Variants in CCDC27 observed in about 807,000 individuals in gnomAD.
The protein encoded by CCDC27 is coiled-coil domain containing 27.
A neutral mutation model predicts 80.3 loss-of-function variants in CCDC27; 80 were observed. The observed-to-expected ratio is 1.00, with a 90% CI of 0.83 to 1.20. The LOEUF (loss-of-function observed/expected upper bound fraction) is 1.20, where lower values mean the gene tolerates loss of function less well. Among genes scored for constraint, CCDC27 ranks in the 50% most tolerant of loss-of-function variants. CCDC27 has a pLI of 0.00. For missense variants in CCDC27, 815 were observed against 809.4 expected (o/e 1.01, Z -0.08); for synonymous variants, 342 against 334.3 (o/e 1.02, Z -0.25).
chr1:3,767,220 C>A lies in CCDC27; in HGVS notation c.1531-13C>A. 1.2e-6 allele frequency: 2 copies of A among 1,611,956 alleles called. No individual in the cohort carries two copies. Among genetic ancestry groups the A allele is most frequent in the Non-Finnish European group, 1.7e-6 (2 of 1,178,780 alleles). ...AATGACCCCACCTCTTTTTTCTCCC[C>A]GGCTGTCCCCAGCAAGTGTCGGAAC... On this transcript the variant is annotated splice_polypyrimidine_tract_variant and intron_variant, in intron 9 of 11. Coordinates refer to ENST00000294600, the MANE Select transcript of CCDC27 (RefSeq NM_152492.3).
chr1:3,756,560 C>A, intron 3 of CCDC27, 173 bp from the exon 4 acceptor site: 1 of 653,428 alleles, frequency 1.5e-6, no homozygotes, highest in African/African-American at 1.8e-5. Context: ...AGCAGCACCA[C>A]ACTGTGTCCT....
In CCDC27 at chr1:3,754,177, G is replaced by T. The variant is rs776994072; in HGVS notation, c.378G>T (p.Arg126Ser). 3 of 1,613,610 alleles carry T rather than the reference G, an allele frequency of 1.9e-6. No homozygotes were observed. The East Asian group carries it at 6.7e-5, about 36-fold the overall frequency. The change falls in exon 2 of 12, where the codon AGG becomes AGT. Residue 126 changes from arginine (R) to serine (S), a missense_variant. Transcript: ENST00000294600. ...TCATGTCCAAAATGGAACTTCGAAG[G>T]GTCTTCCCCACGCATCCTGACTGCC... is the stretch of plus-strand genomic sequence containing the variant. ...TGFMSKMELR[R>S]VFPTHPDCPQ...
intron 4 of CCDC27, among the ~76,000 whole-genome samples, chr1:3,759,721 T>G (rs942349556): frequency 6.6e-6 from 1 of 152,154 alleles, no homozygotes; most frequent in African/African-American, 2.4e-5. Context: ...GTCCATGATA[T>G]TCATTTTGTT....
At chr1:3,762,770 AGGCT>A in intron 6 of CCDC27, 58 bp downstream of exon 6, 1 of 1,448,852 alleles carries the variant, frequency 6.9e-7, no homozygotes, top group Non-Finnish European at 9.4e-7. Flanking sequence ...GGAGCCACCT[AGGCT>A]GCTTAACTAA....
intron 1 of CCDC27, among the ~76,000 whole-genome samples, chr1:3,753,437 CCTCAGCCTCCAGA>C (rs1399954583): frequency 6.6e-6 from 1 of 151,882 alleles, no homozygotes; most frequent in Non-Finnish European, 1.5e-5. Context: ...GATTCTCCAG[CCTCAGCCTCCAGA>C]GTAGCTGGGA....
intron 10 of CCDC27, 49 bp downstream of exon 10, chr1:3,767,494 G>A (rs780000170): frequency 8.6e-6 from 13 of 1,519,844 alleles, no homozygotes; most frequent in South Asian, 7.5e-5. Flanking sequence ...GCTGGCGGCC[G>A]AGCACCCAGG....
chr1:3,752,683 G>T lies in CCDC27; in HGVS notation c.202G>T (p.Val68Leu). Residue 68 changes from valine to leucine, a missense_variant, in exon 1 of 12, where the codon GTG (valine) becomes TTG (leucine). By Grantham distance (32) the Val-to-Leu change is conservative. Coordinates refer to ENST00000294600, the MANE Select transcript of CCDC27 (RefSeq NM_152492.3). The stretch of plus-strand genomic sequence containing the variant: ...GTCCAGCTCGATGGCCAGGGCCCTG[G>T]TGCTCCTCCAGAGCATGGCCAGCCG... ...SMSSSMARAL[V>L]LLQSMASRDA... is the part of the protein sequence containing the mutation. The T allele has an allele frequency of 1.6e-5, 26 of 1,614,058 alleles. No homozygotes were observed. The highest frequency in any genetic ancestry group is 2.2e-5 in the Non-Finnish European group (26 of 1,180,056).
At chr1:3,765,052 A>C (rs987478406) in intron 8 of CCDC27, among the ~76,000 whole-genome samples, 1 of 145,494 alleles carries the variant, frequency 6.9e-6, no homozygotes, top group African/African-American at 2.6e-5. Flanking sequence ...AAAAAAAAAA[A>C]CGATGAACAG....
chr1:3,757,007 C>A, intron 4 of CCDC27, 117 bp downstream of exon 4: 2 of 1,268,690 alleles, frequency 1.6e-6, no homozygotes, highest in Middle Eastern at 2.8e-4. Flanking sequence ...CTGCATCAAG[C>A]AGGTCCCCAT....
Position 3,763,488 on chromosome 1 carries a change from G to C in CCDC27, c.1321+14G>C. 6.3e-7 allele frequency: 1 copy of C among 1,575,320 alleles called. No individual in the cohort carries two copies. The highest frequency in any genetic ancestry group is 8.6e-7 in the Non-Finnish European group (1 of 1,160,766). Reference sequence around the variant, plus strand: ...CCCTTGCAACAGGTAGGGCCTCGGCGGGGGGCACTGGGCTTTGGCCACTCA... The same window carrying C: ...CCCTTGCAACAGGTAGGGCCTCGGCCGGGGGCACTGGGCTTTGGCCACTCA... On this transcript the variant is annotated intron_variant, in intron 7 of 11. Transcript: ENST00000294600. The surrounding 1 kb of genome is among the most constrained non-coding windows in gnomAD (Gnocchi z 7.5).
In CCDC27 at chr1:3,763,336, A is replaced by G. The variant is rs1360593894; in HGVS notation, c.1183A>G (p.Ile395Val). 1 of 1,612,748 alleles carries G rather than the reference A, an allele frequency of 6.2e-7. No individual in the cohort carries two copies. The highest frequency in any genetic ancestry group is 1.3e-5 in the African/African-American group (1 of 74,818). The change falls in exon 7 of 12, where the codon ATC (isoleucine) becomes GTC (valine). Residue 395 changes from isoleucine to valine, a missense_variant. By Grantham distance (29) the Ile-to-Val change is conservative. Transcript: ENST00000294600. The surrounding 1 kb of genome is among the most constrained non-coding windows in gnomAD (Gnocchi z 7.5). The part of the protein sequence containing the change: ...EERELPEEEE[I>V]PRRRASSLAE... ...AAGGGAGCTGCCGGAGGAAGAGGAG[A>G]TCCCCAGGAGAAGGGCCTCCTCCCT...
In CCDC27 at chr1:3,754,249, C is replaced by T. The variant is rs777841365; in HGVS notation, c.442+8C>T. ...CATCCATGTCCCACTGTGGTAAGAGCCCCCCACCAGGACCGCCTGTGAAAC... is the reference window on the plus strand; with the variant it reads ...CATCCATGTCCCACTGTGGTAAGAGTCCCCCACCAGGACCGCCTGTGAAAC... On this transcript the variant is annotated splice_region_variant and intron_variant, in intron 2 of 11. Transcript: ENST00000294600. The T allele has an allele frequency of 4.4e-6, 7 of 1,579,258 alleles. No individual in the cohort carries two copies. In the African/African-American group the frequency reaches 5.5e-5, roughly 12 times the overall value.
rs1181884 is a variant in CCDC27 at position 3,760,034 on chromosome 1, T to C, written c.712-1247T>C. Among the ~76,000 whole-genome samples, 14,567 of 152,220 alleles carry C rather than the reference T, an allele frequency of 0.096. 802 individuals are homozygous for C. Among genetic ancestry groups the C allele is most frequent in the Middle Eastern group, 0.2 (58 of 294 alleles). On this transcript the variant is annotated intron_variant, in intron 4 of 11. Coordinates refer to ENST00000294600, the MANE Select transcript of CCDC27 (RefSeq NM_152492.3). The surrounding 1 kb of genome is among the most constrained non-coding windows in gnomAD (Gnocchi z 4.3). The stretch of plus-strand genomic sequence containing the variant: ...GGCTGTCATAGATAAACTCTTCTCA[T>C]TTGGTGGCAAGAGAGCCACCTGCAG...
chr1:3,755,769 C>T, intron 3 of CCDC27: 1 of 578,516 alleles, frequency 1.7e-6, no homozygotes, highest in Non-Finnish European at 3.1e-6. Context: ...GCAGTCCCCC[C>T]AGGACCGTGG....
At position 3,769,711 on chromosome 1, in the gene CCDC27, G is replaced by A; in HGVS notation, c.1744-72G>A. Reference sequence around the variant, plus strand: ...CCTGGTACATAAAAAATAAGGTGGTGGGGGGTGCAGCCCACTGGCCAGGTG... The same window carrying A: ...CCTGGTACATAAAAAATAAGGTGGTAGGGGGTGCAGCCCACTGGCCAGGTG... On this transcript the variant is annotated intron_variant, in intron 10 of 11. Coordinates refer to ENST00000294600, the MANE Select transcript of CCDC27 (RefSeq NM_152492.3). This position sits in a 1 kb window ranked among gnomAD's most constrained non-coding sequence, Gnocchi z 4.6. 1 of 978,920 alleles carries A rather than the reference G, an allele frequency of 1.0e-6. No individual in the cohort carries two copies. The highest frequency in any genetic ancestry group is 1.7e-6 in the Non-Finnish European group (1 of 602,214). The allele number at this position is 978,920 out of a possible 1,614,324, so 60.6% of individuals were successfully genotyped here. A position where few individuals can be genotyped will look rare whatever the true frequency, so the allele number is the denominator to read the frequency against.
At position 3,752,806 on chromosome 1, in the gene CCDC27, G is replaced by C; in HGVS notation, c.318+7G>C. On this transcript the variant is annotated splice_region_variant and intron_variant, in intron 1 of 11. Transcript: ENST00000294600. ...CCGCTACTACAGGAAGACGGTATGGGGTCCCGGGAGGAGGGCTGCCACGAG... is the reference window on the plus strand; with the variant it reads ...CCGCTACTACAGGAAGACGGTATGGCGTCCCGGGAGGAGGGCTGCCACGAG... The C allele has an allele frequency of 6.2e-7, 1 of 1,607,730 alleles. No homozygotes were observed. The highest frequency in any genetic ancestry group is 8.5e-7 in the Non-Finnish European group (1 of 1,175,864).
rs1226508274 is a variant in CCDC27 at position 3,763,266 on chromosome 1, G to T, written c.1113G>T (p.Glu371Asp). 4 of 1,583,582 alleles carry T rather than the reference G, an allele frequency of 2.5e-6. No individual in the cohort carries two copies. Among genetic ancestry groups the T allele is most frequent in the East Asian group, 2.3e-5 (1 of 43,680 alleles). Residue 371 changes from glutamate to aspartate, a missense_variant, in exon 7 of 12, where the codon GAG becomes GAT. Transcript: ENST00000294600. The surrounding 1 kb of genome is among the most constrained non-coding windows in gnomAD (Gnocchi z 7.5). ...GATCCGTGCATGAGGAGGGAAGCGA[G>T]GAGGAGGAAGAGGAGGAAGGGGACA... ...QMGSVHEEGS[E>D]EEEEEEGDRD...
At chr1:3,759,487 C>G (rs1643038419) in intron 4 of CCDC27, among the ~76,000 whole-genome samples, 1 of 152,144 alleles carries the variant, frequency 6.6e-6, no homozygotes, top group Admixed American at 6.5e-5. Flanking sequence ...GGAGTTTTAT[C>G]AATTTTAATA....
chr1:3,767,292 C>T lies in CCDC27; in HGVS notation c.1590C>T (p.Asp530=). 1 of 1,614,094 alleles carries T rather than the reference C, an allele frequency of 6.2e-7. No individual in the cohort carries two copies. Residue 530 remains aspartate, a synonymous_variant, in exon 10 of 12, where the codon GAC becomes GAT. Transcript: ENST00000294600. ...GGGACTGTGTCATCTCAGAGTTGGA[C>T]ACCAAGGTCAGCCAGCTGCAGGAGC... ...TKRDCVISEL[D]TKVSQLQEQV... is the part of the protein sequence containing the mutation.
Sources: gnomAD v4.1 joint callset for allele counts (sites outside exome capture counted in the v4.1 genomes callset) on GRCh38, gnomAD v4.1.1 for gene constraint, Gnocchi (gnomAD v3.1) non-coding constraint, MANE v1.5 for transcripts, NCBI Gene and HGNC (gene_info 2026-07-23, HGNC 2026-07-21) for gene names.